Variants in PARP8 observed in about 807,000 individuals in gnomAD.
The protein encoded by PARP8 is poly(ADP-ribose) polymerase family member 8, also known as protein mono-ADP-ribosyltransferase PARP8.
Under a neutral mutation model 124.1 loss-of-function variants are expected in PARP8, and 51 were observed. That is an observed-to-expected ratio of 0.41 (90% CI 0.33 to 0.52). PARP8 has a LOEUF of 0.52. PARP8 is among the 20% of genes least tolerant of loss of function. The pLI is 0.21. For missense variants in PARP8, 860 were observed against 1,018.9 expected (o/e 0.84, Z 2.12); for synonymous variants, 391 against 361.5 (o/e 1.08, Z -0.93).
intron 6 of PARP8, among the ~76,000 whole-genome samples, chr5:50,762,665 T>A (rs16885251): frequency 6.6e-6 from 1 of 152,188 alleles, no homozygotes; most frequent in African/African-American, 2.4e-5. Context: ...CAATCAAGCA[T>A]GTGCAAGGCT....
At chr5:50,742,178 G>T (rs1380408413) in intron 2 of PARP8, among the ~76,000 whole-genome samples, 1 of 152,146 alleles carries the variant, frequency 6.6e-6, no homozygotes, top group African/African-American at 2.4e-5. Context: ...AATAAGGGAG[G>T]GGGCAGATAT....
chr5:50,752,526 T>A (rs1759373928), intron 3 of PARP8, among the ~76,000 whole-genome samples: 1 of 152,096 alleles, frequency 6.6e-6, no homozygotes, highest in African/African-American at 2.4e-5. Flanking sequence ...GGTCCGTAAT[T>A]GTAAAATTCT....
intron 2 of PARP8, among the ~76,000 whole-genome samples, chr5:50,726,244 T>C (rs111773216): frequency 0.013 from 1,992 of 152,254 alleles, 47 homozygotes; most frequent in African/African-American, 0.046. Flanking sequence ...GTCTGTTTCC[T>C]CGACTATACA....
intron 14 of PARP8, among the ~76,000 whole-genome samples, chr5:50,808,379 G>T (rs778771696): frequency 6.6e-6 from 1 of 152,008 alleles, no homozygotes; most frequent in Non-Finnish European, 1.5e-5. Context: ...AGAGGAAAAA[G>T]TTACGTATTA....
At chr5:50,815,319 T>A in intron 14 of PARP8, 113 bp from the exon 15 acceptor site, 1 of 716,110 alleles carries the variant, frequency 1.4e-6, no homozygotes, top group South Asian at 2.7e-5. Context: ...ATTTCCTTTT[T>A]AAAAAACACT....
At chr5:50,704,697 G>A (rs1753953618) in intron 2 of PARP8, among the ~76,000 whole-genome samples, 1 of 152,182 alleles carries the variant, frequency 6.6e-6, no homozygotes, top group Admixed American at 6.6e-5. Context: ...ATATTGGAAT[G>A]ATAGTGTTTT....
Position 50,748,723 on chromosome 5 carries a change from T to A in PARP8, c.147-1428T>A, listed in dbSNP as rs542038655. ...CTTATCACTGTTTCCTTGTGTGTAA[T>A]ATGTCGTTTTATTTTTCTCTGACTT... On this transcript the variant is annotated intron_variant, in intron 2 of 25. Coordinates refer to ENST00000281631, the MANE Select transcript of PARP8 (RefSeq NM_024615.4). Among the ~76,000 whole-genome samples the A allele has an allele frequency of 4.5e-4, 68 of 152,316 alleles. 1 individual carries two copies. The highest frequency in any genetic ancestry group is 1.5e-3 in the African/African-American group (63 of 41,582).
chr5:50,684,424 T>C (rs1156696798), intron 2 of PARP8, among the ~76,000 whole-genome samples: 1 of 121,814 alleles, frequency 8.2e-6, no homozygotes, highest in Non-Finnish European at 1.7e-5. Flanking sequence ...TGTAAAGATA[T>C]AAGAATGCTG....
intron 2 of PARP8, among the ~76,000 whole-genome samples, chr5:50,691,111 T>C (rs1443804737): frequency 6.6e-6 from 1 of 152,226 alleles, no homozygotes; most frequent in East Asian, 1.9e-4. Flanking sequence ...GCAAATCCAC[T>C]GCGTGACTTA....
At chr5:50,824,887 A>T in intron 17 of PARP8, 21 bp from the exon 18 acceptor site, 1 of 1,597,310 alleles carries the variant, frequency 6.3e-7, no homozygotes, top group Non-Finnish European at 8.6e-7. Context: ...AAAATCAAGA[A>T]GTATAATGAC....
At chr5:50,783,874 C>A (rs542289679) in intron 9 of PARP8, among the ~76,000 whole-genome samples, 2 of 152,142 alleles carry the variant, frequency 1.3e-5, no homozygotes, top group South Asian at 4.1e-4. Flanking sequence ...AATGTGTTTC[C>A]TGTCTTTGAA....
At chr5:50,716,643 C>T (rs943694795) in intron 2 of PARP8, among the ~76,000 whole-genome samples, 2 of 152,018 alleles carry the variant, frequency 1.3e-5, no homozygotes, top group Non-Finnish European at 2.9e-5. Context: ...TTTGTCTGGT[C>T]TTTGGGCTTA....
Position 50,762,945 on chromosome 5 carries a change from T to TTA in PARP8, c.424-203_424-202insTA, listed in dbSNP as rs1368218487. 2.0e-5 allele frequency among the ~76,000 whole-genome samples: 3 copies of TTA among 152,348 alleles called. No individual in the cohort carries two copies. In the East Asian group the frequency reaches 5.8e-4, roughly 29 times the overall value. ...GTTTTTTACATTTGCTTTTTCTTTG[T>TTA]ATTAATATAAACTAACTTTAAGTTC... On this transcript the variant is annotated intron_variant, in intron 6 of 25. Coordinates refer to ENST00000281631, the MANE Select transcript of PARP8 (RefSeq NM_024615.4).
intron 14 of PARP8, among the ~76,000 whole-genome samples, chr5:50,810,703 C>A (rs760010303): frequency 1.3e-5 from 2 of 151,926 alleles, no homozygotes; most frequent in South Asian, 2.1e-4. Flanking sequence ...TGTGAATAAA[C>A]AAGGAAAAGG....
chr5:50,688,972 G>A (rs1000052886), intron 2 of PARP8, among the ~76,000 whole-genome samples: 6 of 151,688 alleles, frequency 4.0e-5, no homozygotes, highest in Non-Finnish European at 7.4e-5. Context: ...CCTTGTTTGT[G>A]CCAGAAAATG....
At chr5:50,807,319 G>A (rs1743964218) in intron 14 of PARP8, among the ~76,000 whole-genome samples, 1 of 151,970 alleles carries the variant, frequency 6.6e-6, no homozygotes, top group South Asian at 2.1e-4. Flanking sequence ...GTCACTCTCA[G>A]ATTTGAGTCC....
At chr5:50,715,135 T>C (rs1308724366) in intron 2 of PARP8, among the ~76,000 whole-genome samples, 1 of 152,014 alleles carries the variant, frequency 6.6e-6, no homozygotes, top group Admixed American at 6.6e-5. Context: ...GTGCCTCCTC[T>C]CACTTCAGCA....
At chr5:50,721,890 A>G (rs10461602) in intron 2 of PARP8, among the ~76,000 whole-genome samples, 9,497 of 152,136 alleles carry the variant, frequency 0.062, 355 homozygotes, top group South Asian at 0.18. Flanking sequence ...TTCTTTTTAC[A>G]GGTAATTCTT....
At chr5:50,739,941 G>T (rs1757874309) in intron 2 of PARP8, among the ~76,000 whole-genome samples, 3 of 151,456 alleles carry the variant, frequency 2.0e-5, no homozygotes, top group Admixed American at 1.3e-4. Context: ...AGTAGAGACG[G>T]GGTTTCACCA....
Sources: allele counts gnomAD v4.1 joint callset (sites outside exome capture counted in the v4.1 genomes callset), GRCh38; gene constraint gnomAD v4.1.1; transcripts MANE v1.5; gene names NCBI Gene and HGNC (gene_info 2026-07-23, HGNC 2026-07-21).